PIGF: variants seen among roughly 807,000 people sequenced by gnomAD.
PIGF encodes the protein phosphatidylinositol glycan anchor biosynthesis class F.
PIGF carries 23 observed loss-of-function variants against 26.0 expected under a neutral mutation model. The ratio of observed to expected loss-of-function variants is 0.88; its 90% CI spans 0.64 to 1.25. The LOEUF is 1.25. PIGF is among the 50% of genes most tolerant of loss of function. The probability of loss-of-function intolerance (pLI) is 0.00; values close to 1 mark genes in which losing one functional copy is unlikely to be tolerated. For missense variants in PIGF, 278 were observed against 249.9 expected (o/e 1.11, Z -0.76); for synonymous variants, 93 against 92.6 (o/e 1.00, Z -0.03).
intron 4 of PIGF, among the ~76,000 whole-genome samples, chr2:46,597,447 T>A (rs946039095): frequency 6.3e-4 from 95 of 151,966 alleles, no homozygotes; most frequent in African/African-American, 2.2e-3. Context: ...AAGTCTCACT[T>A]TGTCATCCAG....
intron 4 of PIGF, among the ~76,000 whole-genome samples, chr2:46,603,938 A>C (rs1337586475): frequency 1.3e-5 from 2 of 152,142 alleles, no homozygotes; most frequent in African/African-American, 4.8e-5. Context: ...GAATGGAAGA[A>C]AATATTTCCA....
chr2:46,596,955 T>A (rs563456035), intron 4 of PIGF, among the ~76,000 whole-genome samples: 4 of 152,366 alleles, frequency 2.6e-5, no homozygotes, highest in African/African-American at 9.6e-5. Flanking sequence ...TGTCCATGGA[T>A]GTTAAGAACT....
chr2:46,601,088 T>C (rs544666201), intron 4 of PIGF, among the ~76,000 whole-genome samples: 5 of 152,106 alleles, frequency 3.3e-5, no homozygotes, highest in African/African-American at 4.8e-5. Context: ...ATAAAATAGG[T>C]AAATTCCTTT....
chr2:46,586,919 G>C (rs1049055046), intron 5 of PIGF, among the ~76,000 whole-genome samples: 2 of 152,216 alleles, frequency 1.3e-5, no homozygotes, highest in Non-Finnish European at 2.9e-5. Flanking sequence ...ACTTTAGGAA[G>C]AGTTATTTGC....
At chr2:46,596,635 T>C (rs1669893344) in intron 4 of PIGF, among the ~76,000 whole-genome samples, 1 of 152,062 alleles carries the variant, frequency 6.6e-6, no homozygotes, top group Admixed American at 6.5e-5. Flanking sequence ...TTCAACTCTT[T>C]TTGCTGCTTC....
chr2:46,604,614 A>C (rs1670161337), intron 4 of PIGF, among the ~76,000 whole-genome samples: 2 of 152,138 alleles, frequency 1.3e-5, no homozygotes, highest in Admixed American at 6.5e-5. Context: ...CAGGAACAGA[A>C]AGGCAAACTT....
At chr2:46,613,033 A>G (rs4952835) in intron 3 of PIGF, among the ~76,000 whole-genome samples, 1 of 139,124 alleles carries the variant, frequency 7.2e-6, no homozygotes, top group Admixed American at 7.6e-5. Context: ...TGTACGTAAA[A>G]CTATGTATAA....
At position 46,588,380 on chromosome 2, in the gene PIGF, T is replaced by C. The variant is rs1033826388; in HGVS notation, c.546+4095A>G. 17 of 616,672 alleles carry C rather than the reference T, an allele frequency of 2.8e-5. No individual in the cohort carries two copies. The highest frequency in any genetic ancestry group is 4.1e-5 in the Non-Finnish European group (16 of 388,454). The allele number at this position is 616,672 out of a possible 1,614,324, so 38.2% of individuals were successfully genotyped here. On this transcript the variant is annotated intron_variant, in intron 5 of 5. Transcript: ENST00000281382. This position sits in a 1 kb window ranked among gnomAD's most constrained non-coding sequence, Gnocchi z 4.1. ...CTCAAATAAATCATGGAATTTGCAT[T>C]TTTTGAAGGCTAAAAATATAGTCAT...
chr2:46,612,608 CACAA>C (rs754021525), intron 3 of PIGF, among the ~76,000 whole-genome samples: 10 of 152,126 alleles, frequency 6.6e-5, no homozygotes, highest in Non-Finnish European at 8.8e-5. Context: ...TCACTGCAAA[CACAA>C]ACAAACAAAC....
intron 4 of PIGF, among the ~76,000 whole-genome samples, chr2:46,606,758 T>C (rs1423681289): frequency 6.6e-6 from 1 of 152,106 alleles, no homozygotes; most frequent in Non-Finnish European, 1.5e-5. Context: ...ATACCCAAGA[T>C]AAATAAACAC....
intron 4 of PIGF, among the ~76,000 whole-genome samples, chr2:46,593,527 G>C (rs1306255742): frequency 6.6e-6 from 1 of 152,210 alleles, no homozygotes; most frequent in Non-Finnish European, 1.5e-5. Flanking sequence ...TATTTCAAAA[G>C]ATCTGGTGAT....
chr2:46,590,699 A>C (rs1395566042), intron 5 of PIGF, among the ~76,000 whole-genome samples: 2 of 152,204 alleles, frequency 1.3e-5, no homozygotes, highest in African/African-American at 4.8e-5. Context: ...TTTAGAAATC[A>C]CTGACACTCT....
At chr2:46,591,710 T>C in intron 5 of PIGF, 1 of 1,109,110 alleles carries the variant, frequency 9.0e-7, no homozygotes, top group Non-Finnish European at 1.1e-6. Context: ...AAAGATACAG[T>C]CATCACTGTA....
At chr2:46,583,896 G>A (rs997446914) in intron 5 of PIGF, among the ~76,000 whole-genome samples, 58 of 152,268 alleles carry the variant, frequency 3.8e-4, no homozygotes, top group African/African-American at 1.4e-3. Context: ...TGCATATAGA[G>A]AATTAGTTCT....
intron 2 of PIGF, 155 bp downstream of exon 2, chr2:46,614,782 C>T (rs1305596479): frequency 5.3e-6 from 3 of 562,138 alleles, no homozygotes; most frequent in Non-Finnish European, 9.7e-6. Context: ...GGGCAGCCTT[C>T]CACCAAGTAA....
At chr2:46,613,863 A>G in intron 2 of PIGF, 78 bp from the exon 3 acceptor site, 1 of 1,231,072 alleles carries the variant, frequency 8.1e-7, no homozygotes, top group Non-Finnish European at 1.1e-6. Context: ...ATCTACAAAC[A>G]CAACTTGTTC....
At chr2:46,602,802 A>G (rs932022098) in intron 4 of PIGF, among the ~76,000 whole-genome samples, 4 of 151,944 alleles carry the variant, frequency 2.6e-5, no homozygotes, top group Non-Finnish European at 4.4e-5. Flanking sequence ...ATTTTGTACA[A>G]TCTCCTTGAA....
At chr2:46,595,847 A>C (rs1174075561) in intron 4 of PIGF, among the ~76,000 whole-genome samples, 4 of 152,168 alleles carry the variant, frequency 2.6e-5, no homozygotes, top group African/African-American at 9.7e-5. Flanking sequence ...GGATTTTAGA[A>C]AATTCTTAAA....
chr2:46,614,237 C>A (rs565169102), intron 2 of PIGF: 63 of 152,876 alleles, frequency 4.1e-4, no homozygotes, highest in Non-Finnish European at 7.6e-4. Context: ...CTAAATAATT[C>A]TTGAAATCAC....
Sources: allele counts gnomAD v4.1 joint callset (sites outside exome capture counted in the v4.1 genomes callset), GRCh38; gene constraint gnomAD v4.1.1; non-coding constraint Gnocchi (gnomAD v3.1); transcripts MANE v1.5; gene names NCBI Gene and HGNC (gene_info 2026-07-23, HGNC 2026-07-21).